Variants in RAB2A observed in about 807,000 individuals in gnomAD.
RAB2A encodes the protein RAB2A, member RAS oncogene family.
In RAB2A, 7 loss-of-function variants were observed where a neutral mutation model predicts 32.5. That is an observed-to-expected ratio of 0.22 (90% CI 0.12 to 0.40). RAB2A has a LOEUF of 0.40. RAB2A is among the 10% of genes least tolerant of loss of function. The pLI is 1.00. For missense variants in RAB2A, 108 were observed against 260.7 expected (o/e 0.41, Z 4.03); for synonymous variants, 79 against 85.2 (o/e 0.93, Z 0.40).
intron 3 of RAB2A, among the ~76,000 whole-genome samples, chr8:60,580,115 G>A (rs958423335): frequency 2.0e-5 from 3 of 150,758 alleles, no homozygotes; most frequent in East Asian, 1.9e-4. Context: ...TCCTGCCCCA[G>A]CCTCCCAAGT....
At chr8:60,570,228 A>G (rs1213425563) in intron 2 of RAB2A, among the ~76,000 whole-genome samples, 1 of 152,192 alleles carries the variant, frequency 6.6e-6, no homozygotes, top group Non-Finnish European at 1.5e-5. Flanking sequence ...CGTTATGAGC[A>G]ATATAGATAG....
intron 1 of RAB2A, among the ~76,000 whole-genome samples, chr8:60,520,569 CCTT>C (rs1226485030): frequency 6.6e-6 from 1 of 152,174 alleles, no homozygotes; most frequent in African/African-American, 2.4e-5. Context: ...CTGAAGCACT[CCTT>C]CTTGTTCTTC....
chr8:60,567,273 A>G (rs1409097155), intron 2 of RAB2A, among the ~76,000 whole-genome samples: 1 of 151,580 alleles, frequency 6.6e-6, no homozygotes, highest in Non-Finnish European at 1.5e-5. Context: ...GTACCACCAG[A>G]CCCAACTAAT....
At chr8:60,522,725 TTTGGGGAAGGA>T (rs980050542) in intron 1 of RAB2A, among the ~76,000 whole-genome samples, 4 of 151,890 alleles carry the variant, frequency 2.6e-5, no homozygotes, top group African/African-American at 4.8e-5. Context: ...TTGTAGAGGA[TTTGGGGAAGGA>T]TTGGGGAAGG....
intron 1 of RAB2A, among the ~76,000 whole-genome samples, chr8:60,539,032 T>TA (rs1807598599): frequency 6.6e-6 from 1 of 152,214 alleles, no homozygotes; most frequent in Non-Finnish European, 1.5e-5. Flanking sequence ...TAGAAATTGA[T>TA]AGTTTTTTTT....
intron 6 of RAB2A, among the ~76,000 whole-genome samples, chr8:60,604,795 A>T (rs1441842033): frequency 6.6e-6 from 1 of 152,182 alleles, no homozygotes; most frequent in Non-Finnish European, 1.5e-5. Context: ...CAGAGAAGTG[A>T]CCTGAAACTG....
rs907007370 is a variant in RAB2A, at chr8:60,522,871, T to A, written c.46+5618T>A. On this transcript the variant is annotated intron_variant, in intron 1 of 7. Transcript: ENST00000262646. ...TGGAGTGTTTGTTTAAAAAAAAAAA[T>A]ATTCAGCAGCCCAACCCCTAGAGAT... Among the ~76,000 whole-genome samples, 11 of 152,008 alleles carry A rather than the reference T, an allele frequency of 7.2e-5. No homozygotes were observed. In the South Asian group the frequency reaches 8.3e-4, roughly 12 times the overall value.
At chr8:60,573,681 A>G (rs1808228623) in intron 3 of RAB2A, among the ~76,000 whole-genome samples, 1 of 152,234 alleles carries the variant, frequency 6.6e-6, no homozygotes, top group East Asian at 1.9e-4. Flanking sequence ...ACTGCATGGA[A>G]AAGAGGAAAA....
intron 6 of RAB2A, among the ~76,000 whole-genome samples, chr8:60,613,525 T>TA (rs1190976947): frequency 1.3e-5 from 2 of 152,218 alleles, no homozygotes; most frequent in Non-Finnish European, 2.9e-5. Flanking sequence ...TTTCCCACGT[T>TA]ATCATCCTCA....
At chr8:60,563,753 A>AT (rs1412503981) in intron 2 of RAB2A, among the ~76,000 whole-genome samples, 4 of 152,140 alleles carry the variant, frequency 2.6e-5, no homozygotes, top group South Asian at 4.2e-4. Flanking sequence ...ATTACTAACA[A>AT]TTTTTTTACC....
intron 1 of RAB2A, among the ~76,000 whole-genome samples, chr8:60,532,807 G>A (rs1279122338): frequency 6.6e-6 from 1 of 152,212 alleles, no homozygotes; most frequent in African/African-American, 2.4e-5. Flanking sequence ...ACTGCACTCA[G>A]CCAGCTACAT....
chr8:60,581,418 C>T lies in RAB2A; in HGVS notation c.187-2790C>T, dbSNP rs974476136. 3.9e-5 allele frequency among the ~76,000 whole-genome samples: 6 copies of T among 152,124 alleles called. No homozygotes were observed. The East Asian group carries it at 7.7e-4, about 20-fold the overall frequency. On this transcript the variant is annotated intron_variant, in intron 3 of 7. Coordinates refer to ENST00000262646, the MANE Select transcript of RAB2A (RefSeq NM_002865.3). The stretch of plus-strand genomic sequence containing the variant: ...GGGATGATTCACATCCCCAGCAGGA[C>T]GGAGCAGCAGGATAGTGGGAGACTT...
intron 1 of RAB2A, among the ~76,000 whole-genome samples, chr8:60,534,953 T>C (rs1312973847): frequency 6.6e-6 from 1 of 152,174 alleles, no homozygotes. Flanking sequence ...CCCTATCCTT[T>C]CTGGCTTAAA....
intron 6 of RAB2A, among the ~76,000 whole-genome samples, chr8:60,616,490 A>G (rs1184653672): frequency 6.6e-6 from 1 of 152,272 alleles, no homozygotes. Context: ...TTCTAAAGCC[A>G]TCACAGTAAT....
intron 1 of RAB2A, among the ~76,000 whole-genome samples, chr8:60,524,520 T>C (rs1290859616): frequency 6.6e-6 from 1 of 152,254 alleles, no homozygotes; most frequent in Non-Finnish European, 1.5e-5. Flanking sequence ...TTAGCCTTGA[T>C]TATTTGCAAG....
intron 1 of RAB2A, among the ~76,000 whole-genome samples, chr8:60,521,704 TC>T (rs1807304805): frequency 6.6e-6 from 1 of 152,234 alleles, no homozygotes; most frequent in African/African-American, 2.4e-5. Flanking sequence ...CACTGCAACC[TC>T]CACCTCTTAG....
intron 1 of RAB2A, among the ~76,000 whole-genome samples, chr8:60,550,824 A>G (rs1218573802): frequency 1.3e-5 from 2 of 152,192 alleles, no homozygotes; most frequent in African/African-American, 4.8e-5. Flanking sequence ...CAATAAACTT[A>G]CAGAGTTCTT....
chr8:60,551,481 A>C (rs1454960495), intron 1 of RAB2A, among the ~76,000 whole-genome samples: 1 of 152,242 alleles, frequency 6.6e-6, no homozygotes, highest in Non-Finnish European at 1.5e-5. Context: ...TTTAAGACTT[A>C]CAGTGGATTA....
At chr8:60,563,872 AT>A (rs1247967275) in intron 2 of RAB2A, among the ~76,000 whole-genome samples, 3 of 152,094 alleles carry the variant, frequency 2.0e-5, no homozygotes, top group Non-Finnish European at 4.4e-5. Flanking sequence ...CCTTATAATC[AT>A]TCCTGCATGC....
Sources: gnomAD v4.1 joint callset for allele counts (sites outside exome capture counted in the v4.1 genomes callset) on GRCh38, gnomAD v4.1.1 for gene constraint, MANE v1.5 for transcripts, NCBI Gene and HGNC (gene_info 2026-07-23, HGNC 2026-07-21) for gene names.